Variants in MGAT4C observed in about 807,000 individuals in gnomAD.
MGAT4C encodes MGAT4 family member C.
Under a neutral mutation model 40.1 loss-of-function variants are expected in MGAT4C, and 19 were observed. The ratio of observed to expected loss-of-function variants is 0.47; its 90% confidence interval spans 0.33 to 0.70. The LOEUF is 0.70. Ranked by LOEUF, MGAT4C falls within the 30% of genes least tolerant of loss-of-function variation. MGAT4C has a pLI of 0.02. For synonymous variants in MGAT4C, 181 were observed against 187.1 expected (o/e 0.97, Z 0.27); for missense variants, 491 against 563.2 (o/e 0.87, Z 1.30).
intron 2 of MGAT4C, among the ~76,000 whole-genome samples, chr12:86,477,172 T>C (rs1038287550): frequency 3.3e-5 from 5 of 151,894 alleles, no homozygotes; most frequent in African/African-American, 9.7e-5. Flanking sequence ...ATAAGTAAAA[T>C]TGACTTTTGT....
At chr12:86,415,092 T>C (rs976440797) in intron 3 of MGAT4C, among the ~76,000 whole-genome samples, 3 of 151,992 alleles carry the variant, frequency 2.0e-5, no homozygotes, top group South Asian at 2.1e-4. Flanking sequence ...GGGAAAATTA[T>C]AGGGGTAGAA....
At chr12:85,992,447 T>C (rs1356603284) in intron 2 of MGAT4C, among the ~76,000 whole-genome samples, 2 of 152,214 alleles carry the variant, frequency 1.3e-5, no homozygotes, top group Non-Finnish European at 2.9e-5. Context: ...CATTAGGGTG[T>C]TGGCACTTGG....
chr12:86,611,487 T>TAGATAGATAGAC (rs1962275710), intron 2 of MGAT4C, among the ~76,000 whole-genome samples: 1 of 151,862 alleles, frequency 6.6e-6, no homozygotes, highest in Admixed American at 6.6e-5. Context: ...GATAGATAGA[T>TAGATAGATAGAC]AGATAGATAG....
intron 1 of MGAT4C, among the ~76,000 whole-genome samples, chr12:86,811,867 CT>C (rs1952482750): frequency 6.6e-6 from 1 of 152,000 alleles, no homozygotes. Flanking sequence ...GTTTAATTTG[CT>C]CTTCTATTTT....
At chr12:86,130,977 A>C (rs1370618550) in intron 1 of MGAT4C, among the ~76,000 whole-genome samples, 1 of 152,010 alleles carries the variant, frequency 6.6e-6, no homozygotes, top group Non-Finnish European at 1.5e-5. Flanking sequence ...ACCTTTGCTG[A>C]AACTATTAAA....
chr12:86,446,011 A>C (rs1957327457), intron 2 of MGAT4C, among the ~76,000 whole-genome samples: 1 of 152,112 alleles, frequency 6.6e-6, no homozygotes, highest in Admixed American at 6.6e-5. Context: ...TTGTTCACTT[A>C]AGAATTTGCA....
At chr12:86,039,936 T>C (rs1891639182) in intron 2 of MGAT4C, among the ~76,000 whole-genome samples, 1 of 152,226 alleles carries the variant, frequency 6.6e-6, no homozygotes, top group Non-Finnish European at 1.5e-5. Flanking sequence ...TTGATGTTGA[T>C]ACTATTCCTT....
At chr12:86,518,485 G>A (rs564418611) in intron 2 of MGAT4C, among the ~76,000 whole-genome samples, 2 of 152,146 alleles carry the variant, frequency 1.3e-5, no homozygotes, top group Admixed American at 6.6e-5. Flanking sequence ...TAGCACATCA[G>A]TGAGATACCT....
At chr12:86,609,030 C>CA (rs1177500191) in intron 2 of MGAT4C, among the ~76,000 whole-genome samples, 1 of 151,800 alleles carries the variant, frequency 6.6e-6, no homozygotes, top group South Asian at 2.1e-4. Context: ...GATATTTTGA[C>CA]AAAAAAGAGC....
chr12:86,678,270 T>G (rs1949904077), intron 2 of MGAT4C, among the ~76,000 whole-genome samples: 1 of 152,026 alleles, frequency 6.6e-6, no homozygotes, highest in Admixed American at 6.6e-5. Flanking sequence ...GCCTAAGACT[T>G]ATCCTTTATT....
chr12:86,228,390 T>C (rs1319566911), intron 1 of MGAT4C, among the ~76,000 whole-genome samples: 1 of 151,878 alleles, frequency 6.6e-6, no homozygotes, highest in Non-Finnish European at 1.5e-5. Context: ...ATATATTTGA[T>C]AAATAAATCT....
intron 4 of MGAT4C, among the ~76,000 whole-genome samples, chr12:86,271,961 G>A (rs1379770324): frequency 6.6e-6 from 1 of 152,262 alleles, no homozygotes; most frequent in East Asian, 1.9e-4. Flanking sequence ...TGATCACATA[G>A]AGATAGACAA....
intron 1 of MGAT4C, among the ~76,000 whole-genome samples, chr12:86,156,210 C>T (rs975563280): frequency 2.6e-5 from 4 of 151,892 alleles, no homozygotes; most frequent in African/African-American, 4.8e-5. Flanking sequence ...TCATATTTGC[C>T]AGAGATTATT....
At chr12:86,001,810 T>C (rs1887329243) in intron 2 of MGAT4C, 1 of 186,150 alleles carries the variant, frequency 5.4e-6, no homozygotes, top group Admixed American at 6.5e-5. Context: ...CTCTGTTCTA[T>C]TTGATCCTAT....
chr12:86,608,612 A>G (rs531978736), intron 2 of MGAT4C, among the ~76,000 whole-genome samples: 18 of 152,194 alleles, frequency 1.2e-4, no homozygotes, highest in Admixed American at 1.0e-3. Flanking sequence ...TTTATAATAC[A>G]TACATATTGC....
intron 2 of MGAT4C, among the ~76,000 whole-genome samples, chr12:86,550,790 G>A (rs1268096286): frequency 6.6e-6 from 1 of 152,168 alleles, no homozygotes; most frequent in Non-Finnish European, 1.5e-5. Flanking sequence ...CCTCCCTAGT[G>A]GGAAAAGTCT....
chr12:86,417,355 G>A (rs917707063), intron 3 of MGAT4C, among the ~76,000 whole-genome samples: 1 of 151,956 alleles, frequency 6.6e-6, no homozygotes, highest in Non-Finnish European at 1.5e-5. Context: ...AATCTTTAAG[G>A]CTAAAGTATA....
chr12:86,237,058 G>T (rs192807846), intron 1 of MGAT4C, among the ~76,000 whole-genome samples: 1 of 150,980 alleles, frequency 6.6e-6, no homozygotes, highest in African/African-American at 2.4e-5. Context: ...TATTTAGTGA[G>T]GAAAGGTGGG....
chr12:86,237,970 A>T (rs1951625182), intron 1 of MGAT4C, among the ~76,000 whole-genome samples: 1 of 152,030 alleles, frequency 6.6e-6, no homozygotes, highest in Admixed American at 6.6e-5. Flanking sequence ...TTTGAAATAC[A>T]TGGCATTATT....
Sources: allele counts gnomAD v4.1 joint callset (sites outside exome capture counted in the v4.1 genomes callset), GRCh38; gene constraint gnomAD v4.1.1; transcripts MANE v1.5; gene names NCBI Gene and HGNC (gene_info 2026-07-23, HGNC 2026-07-21).